GRIP1: variants seen among roughly 807,000 people sequenced by gnomAD.
The protein encoded by GRIP1 is glutamate receptor interacting protein 1.
A neutral mutation model predicts 129.9 loss-of-function variants in GRIP1; 45 were observed. That is an observed-to-expected ratio of 0.35 (90% confidence interval 0.27 to 0.44). GRIP1 has a LOEUF of 0.44. Ranked by LOEUF, GRIP1 falls within the 20% of genes least tolerant of loss-of-function variation. The pLI is 1.00. For missense variants in GRIP1, 1,196 were observed against 1,396.8 expected, an observed-to-expected ratio of 0.86 and a Z score of 2.29; for synonymous variants, 530 against 520.8, an observed-to-expected ratio of 1.02 and a Z score of -0.24.
intron 23 of GRIP1, among the ~76,000 whole-genome samples, chr12:66,366,237 T>C (rs2055135882): frequency 6.6e-6 from 1 of 152,202 alleles, no homozygotes; most frequent in Non-Finnish European, 1.5e-5. Context: ...GAAAGAAGCA[T>C]GTGCAAGAAT....
intron 1 of GRIP1, 80 bp downstream of exon 1, chr12:66,678,770 T>A: frequency 7.5e-7 from 1 of 1,328,404 alleles, no homozygotes; most frequent in Non-Finnish European, 1.1e-6. Context: ...GCAGTCATAT[T>A]TGAAAGTAAA....
chr12:66,376,569 A>G (rs993205372), intron 22 of GRIP1, among the ~76,000 whole-genome samples: 2 of 152,254 alleles, frequency 1.3e-5, no homozygotes, highest in African/African-American at 4.8e-5. Context: ...TACAGATGGA[A>G]TCAGGATTTA....
At chr12:66,817,241 C>T (rs2039237760) in intron 1 of GRIP1, among the ~76,000 whole-genome samples, 1 of 137,314 alleles carries the variant, frequency 7.3e-6, no homozygotes, top group South Asian at 2.3e-4. Context: ...CACACACACA[C>T]ACATATATAT....
intron 1 of GRIP1, among the ~76,000 whole-genome samples, chr12:66,844,711 A>G (rs1351791952): frequency 6.6e-6 from 1 of 152,254 alleles, no homozygotes; most frequent in East Asian, 1.9e-4. Flanking sequence ...CCAAATGTCC[A>G]TCAATGGATG....
At chr12:66,659,174 G>A (rs1053917129) in intron 1 of GRIP1, among the ~76,000 whole-genome samples, 5 of 152,118 alleles carry the variant, frequency 3.3e-5, no homozygotes, top group African/African-American at 4.8e-5. Context: ...CCTAATCAGA[G>A]GCTGTTCCTG....
At chr12:66,592,497 G>T (rs905886509) in intron 2 of GRIP1, among the ~76,000 whole-genome samples, 8 of 152,136 alleles carry the variant, frequency 5.3e-5, no homozygotes, top group Admixed American at 1.3e-4. Flanking sequence ...ATTTCCCTGG[G>T]TGCATCAAAG....
rs1242812457 is a variant in GRIP1 at position 66,785,339 on chromosome 12, C to CATATATATATAT, written c.-420+18713_-420+18714insATATATATATAT. Among the ~76,000 whole-genome samples the CATATATATATAT allele has an allele frequency of 8.9e-3, 324 of 36,386 alleles. 5 individuals carry two copies. Among genetic ancestry groups the CATATATATATAT allele is most frequent in the Admixed American group, 0.016 (46 of 2,928 alleles). 23.9% of individuals were successfully genotyped at this position (36,386 alleles called of 152,430 possible). ...ACATACATACATACATACATACATA[C>CATATATATATAT]ATACATATATATATATATATATATT... On this transcript the variant is annotated intron_variant, in intron 1 of 4. Coordinates refer to the GRIP1 transcript ENST00000538373.
chr12:66,914,036 C>T (rs2137325315), intron 1 of GRIP1, among the ~76,000 whole-genome samples: 1 of 152,258 alleles, frequency 6.6e-6, no homozygotes, highest in Non-Finnish European at 1.5e-5. Flanking sequence ...CCTATGAGAT[C>T]AGAATTACGC....
intron 1 of GRIP1, among the ~76,000 whole-genome samples, chr12:66,966,158 G>A (rs191605409): frequency 6.6e-6 from 1 of 152,124 alleles, no homozygotes; most frequent in African/African-American, 2.4e-5. Context: ...AAGAATTGCT[G>A]TATTCCAGAA....
intron 15 of GRIP1, among the ~76,000 whole-genome samples, chr12:66,413,265 A>G (rs747349246): frequency 6.6e-6 from 1 of 152,220 alleles, no homozygotes; most frequent in African/African-American, 2.4e-5. Context: ...CTCTCAGACC[A>G]CAGCACAATC....
At chr12:66,754,755 T>C (rs1206540744) in intron 1 of GRIP1, among the ~76,000 whole-genome samples, 1 of 152,052 alleles carries the variant, frequency 6.6e-6, no homozygotes, top group Non-Finnish European at 1.5e-5. Flanking sequence ...GTAGGAGAAA[T>C]GAAAACGGGA....
intron 1 of GRIP1, among the ~76,000 whole-genome samples, chr12:66,655,538 T>C (rs1447375378): frequency 6.6e-6 from 1 of 152,008 alleles, no homozygotes; most frequent in African/African-American, 2.4e-5. Context: ...TTTCATTCTA[T>C]GAGTTTGGAC....
chr12:66,463,685 G>A (rs972904973), intron 8 of GRIP1, among the ~76,000 whole-genome samples: 27 of 152,112 alleles, frequency 1.8e-4, no homozygotes, highest in African/African-American at 6.5e-4. Context: ...AAATTATGCA[G>A]GAGTCAAGTG....
intron 1 of GRIP1, among the ~76,000 whole-genome samples, chr12:66,836,083 G>A (rs1052985484): frequency 6.6e-6 from 1 of 152,136 alleles, no homozygotes; most frequent in Non-Finnish European, 1.5e-5. Context: ...GTCATTCTAC[G>A]ATTACTGTTG....
Position 66,418,349 on chromosome 12 carries a change from T to C in GRIP1, c.1838+2371A>G, listed in dbSNP as rs141164467. ...ACTATGACACTACCACAAGAAAACA[T>C]TGGGGAAACTCTCCAGGACATTGCT... On this transcript the variant is annotated intron_variant, in intron 15 of 24. Coordinates refer to ENST00000359742, the MANE Select transcript of GRIP1 (RefSeq NM_001366722.1). Among the ~76,000 whole-genome samples, 170 of 152,278 alleles carry C rather than the reference T, an allele frequency of 1.1e-3. 2 individuals are homozygous for C. Among genetic ancestry groups the C allele is most frequent in the African/African-American group, 3.9e-3 (162 of 41,570 alleles).
intron 2 of GRIP1, among the ~76,000 whole-genome samples, chr12:66,582,253 T>G (rs1449466511): frequency 6.9e-6 from 1 of 145,840 alleles, no homozygotes; most frequent in Non-Finnish European, 1.5e-5. Context: ...ATGGGACGTA[T>G]CTCAAAATAA....
chr12:66,513,801 T>C (rs1358993236), intron 7 of GRIP1, among the ~76,000 whole-genome samples: 1 of 151,998 alleles, frequency 6.6e-6, no homozygotes, highest in Non-Finnish European at 1.5e-5. Flanking sequence ...TGAGAGTGAG[T>C]TGCAAAGAAG....
intron 2 of GRIP1, among the ~76,000 whole-genome samples, chr12:66,585,858 G>C (rs1036159010): frequency 2.0e-5 from 3 of 152,052 alleles, no homozygotes; most frequent in Non-Finnish European, 4.4e-5. Context: ...GGCCAGTGAT[G>C]ATGAGCATTT....
At chr12:67,007,719 A>G (rs1464920814) in intron 1 of GRIP1, among the ~76,000 whole-genome samples, 1 of 152,168 alleles carries the variant, frequency 6.6e-6, no homozygotes, top group Non-Finnish European at 1.5e-5. Flanking sequence ...CTGCCACCAC[A>G]GGAAAATCAT....
Sources: gnomAD v4.1 joint callset for allele counts (sites outside exome capture counted in the v4.1 genomes callset) on GRCh38, gnomAD v4.1.1 for gene constraint, MANE v1.5 for transcripts, NCBI Gene and HGNC (gene_info 2026-07-23, HGNC 2026-07-21) for gene names.